The following LRP1 variants were observed in gnomAD, a reference collection of about 807,000 sequenced individuals.
LRP1 encodes prolow-density lipoprotein receptor-related protein 1.
LRP1 carries 51 observed loss-of-function variants against 541.5 expected under a neutral mutation model. The observed-to-expected ratio is 0.09, with a 90% CI of 0.08 to 0.12. The LOEUF is 0.12. Among genes scored for constraint, LRP1 ranks in the 10% least tolerant of loss-of-function variants. The probability of loss-of-function intolerance (pLI) is 1.00; values close to 1 mark genes in which losing one functional copy is unlikely to be tolerated. For missense variants in LRP1, 3,878 were observed against 6,376.2 expected (o/e 0.61, Z 13.34); for synonymous variants, 2,219 against 2,470.8 (o/e 0.90, Z 3.02).
Position 57,193,767 on chromosome 12 carries a change from C to T in LRP1, c.7804+82C>T. 4 of 1,609,780 alleles carry T rather than the reference C, an allele frequency of 2.5e-6. No individual in the cohort carries two copies. The East Asian group carries it at 8.9e-5, about 36-fold the overall frequency. On this transcript the variant is annotated intron_variant, in intron 47 of 88. Transcript: ENST00000243077. ...CCTGGCCAAGCTTTGTCCCTGGGCCCCGTGGTGTCTGGTTCAAGGCACTCT... is the reference window on the plus strand; with the variant it reads ...CCTGGCCAAGCTTTGTCCCTGGGCCTCGTGGTGTCTGGTTCAAGGCACTCT...
At chr12:57,186,168 C>T (rs1468208361) in intron 41 of LRP1, among the ~76,000 whole-genome samples, 5 of 152,198 alleles carry the variant, frequency 3.3e-5, no homozygotes, top group Non-Finnish European at 7.3e-5. Context: ...GCCCAACGCT[C>T]ACAAACCCAG....
chr12:57,155,055 C>T (rs573250408), intron 8 of LRP1: 99 of 527,826 alleles, frequency 1.9e-4, no homozygotes, highest in African/African-American at 1.4e-3. Context: ...TTTACAAAGC[C>T]GGGTGATAGC....
rs1348671523 is a variant in LRP1, at chr12:57,162,539, G to T, written c.2404+21G>T. 2 of 1,612,466 alleles carry T rather than the reference G, an allele frequency of 1.2e-6. No individual in the cohort carries two copies. Among genetic ancestry groups the T allele is most frequent in the South Asian group, 2.2e-5 (2 of 91,032 alleles). ...GCAAGGTACCTCCTTGGGGCTGGGG[G>T]CAGCGTGGGACCTGGAAGGGGTGGT... On this transcript the variant is annotated intron_variant, in intron 14 of 88. Coordinates refer to ENST00000243077, the MANE Select transcript of LRP1 (RefSeq NM_002332.3). The surrounding 1 kb of genome is among the most constrained non-coding windows in gnomAD (Gnocchi z 5.2).
In LRP1 at chr12:57,191,353, G is replaced by A; in HGVS notation, c.7270G>A (p.Gly2424Arg). The change falls in exon 44 of 89, where the codon GGG (glycine) becomes AGG (arginine). Residue 2424 changes from glycine to arginine, a missense_variant. Around this residue, in one of 13 missense-constraint regions of LRP1, gnomAD observed 1,100 missense variants for 1,827.4 expected, o/e 0.60. Coordinates refer to ENST00000243077, the MANE Select transcript of LRP1 (RefSeq NM_002332.3). ...ILKSEPVHPF[G>R]LAVYGEHIFW... ...AAAGTCAGAGCCTGTCCACCCCTTCGGGCTGGCCGTGTATGGGGAGCACAT... is the reference window on the plus strand; with the variant it reads ...AAAGTCAGAGCCTGTCCACCCCTTCAGGCTGGCCGTGTATGGGGAGCACAT... 1 of 1,611,154 alleles carries A rather than the reference G, an allele frequency of 6.2e-7. No homozygotes were observed. Among genetic ancestry groups the A allele is most frequent in the Non-Finnish European group, 8.5e-7 (1 of 1,177,688 alleles).
chr12:57,197,646 T>G lies in LRP1; in HGVS notation c.9264T>G (p.Leu3088=). 1 of 1,613,842 alleles carries G rather than the reference T, an allele frequency of 6.2e-7. No individual in the cohort carries two copies. The highest frequency in any genetic ancestry group is 8.5e-7 in the Non-Finnish European group (1 of 1,179,954). ...GCAGCATGATCCGAAGGATGCACCT[T>G]AACGGGAGCAATGTGCAGGTGAGGC... is the stretch of plus-strand genomic sequence containing the variant. ...TQGSMIRRMH[L]NGSNVQVLHR... The change falls in exon 58 of 89, where the codon CTT becomes CTG. Residue 3088 remains leucine, a synonymous_variant. Transcript: ENST00000243077. The surrounding 1 kb of genome is among the most constrained non-coding windows in gnomAD (Gnocchi z 4.5).
intron 22 of LRP1, among the ~76,000 whole-genome samples, chr12:57,174,605 T>C (rs2036007308): frequency 6.6e-6 from 1 of 152,174 alleles, no homozygotes; most frequent in African/African-American, 2.4e-5. Context: ...TGAAACCCTG[T>C]CTCTGCTAAA....
At position 57,173,165 on chromosome 12, in the gene LRP1, C is replaced by A; in HGVS notation, c.3164-3C>A. ...CCTGAGGCCCTCCACTGTCCCTCTG[C>A]AGCCACGAGGCCCCCTGGTGGCTGC... On this transcript the variant is annotated splice_region_variant and splice_polypyrimidine_tract_variant and intron_variant, in intron 20 of 88. Transcript: ENST00000243077. The surrounding 1 kb of genome is among the most constrained non-coding windows in gnomAD (Gnocchi z 4.7). 6.2e-7 allele frequency: 1 copy of A among 1,602,050 alleles called. No individual in the cohort carries two copies. Among genetic ancestry groups the A allele is most frequent in the Non-Finnish European group, 8.5e-7 (1 of 1,172,972 alleles).
intron 3 of LRP1, 115 bp from the exon 4 acceptor site, chr12:57,143,564 C>G: frequency 1.5e-6 from 2 of 1,307,686 alleles, no homozygotes; most frequent in Non-Finnish European, 1.1e-6. Flanking sequence ...GTCTCTGACA[C>G]TGCAGCCCTT....
rs748279049 is a variant in LRP1, at chr12:57,158,674, A to G, written c.1798+36A>G. 6 of 1,590,650 alleles carry G rather than the reference A, an allele frequency of 3.8e-6. No individual in the cohort carries two copies. The African/African-American group carries it at 5.4e-5, about 14-fold the overall frequency. On this transcript the variant is annotated intron_variant, in intron 11 of 88. Coordinates refer to ENST00000243077, the MANE Select transcript of LRP1 (RefSeq NM_002332.3). The surrounding 1 kb of genome is among the most constrained non-coding windows in gnomAD (Gnocchi z 5.3). ...CTAGGGATGTGGCCCATGGGGATGG[A>G]AGGGGGCTGGGGCCCAGGCATCTGT... is the stretch of plus-strand genomic sequence containing the variant.
Position 57,156,420 on chromosome 12 carries a change from G to T in LRP1, c.1417+137G>T, listed in dbSNP as rs1356709045. ...ATGTCATGACCGATTCTCCTAGCCA[G>T]CCACTCGGGCTACCTGCCCTGGCCC... On this transcript the variant is annotated intron_variant, in intron 9 of 88. Coordinates refer to ENST00000243077, the MANE Select transcript of LRP1 (RefSeq NM_002332.3). This position sits in a 1 kb window ranked among gnomAD's most constrained non-coding sequence, Gnocchi z 5.2. 2 of 930,484 alleles carry T rather than the reference G, an allele frequency of 2.1e-6. No individual in the cohort carries two copies. The highest frequency in any genetic ancestry group is 3.1e-6 in the Non-Finnish European group (2 of 638,448). The allele number at this position is 930,484 out of a possible 1,614,324, so 57.6% of individuals were successfully genotyped here.
At position 57,205,278 on chromosome 12, in the gene LRP1, G is replaced by A; in HGVS notation, c.11335+29G>A. On this transcript the variant is annotated intron_variant, in intron 73 of 88. Transcript: ENST00000243077. The surrounding 1 kb of genome is among the most constrained non-coding windows in gnomAD (Gnocchi z 4.6). Reference sequence around the variant, plus strand: ...AGGCCCGGCAGCGGACCGGACGCTGGTGGGGAGTGGGGAGAGCCAAGCCCT... The same window carrying A: ...AGGCCCGGCAGCGGACCGGACGCTGATGGGGAGTGGGGAGAGCCAAGCCCT... The A allele has an allele frequency of 6.3e-7, 1 of 1,599,034 alleles. No homozygotes were observed. The highest frequency in any genetic ancestry group is 8.5e-7 in the Non-Finnish European group (1 of 1,170,300).
rs914633878 is a variant in LRP1 at position 57,162,645 on chromosome 12, T to G, written c.2404+127T>G. ...CCTAGGCTCTGACTTTTGAGGATCCTGAGAAGAGAACTCCCCCAACACAAT... is the reference window on the plus strand; with the variant it reads ...CCTAGGCTCTGACTTTTGAGGATCCGGAGAAGAGAACTCCCCCAACACAAT... On this transcript the variant is annotated intron_variant, in intron 14 of 88. Coordinates refer to ENST00000243077, the MANE Select transcript of LRP1 (RefSeq NM_002332.3). This position sits in a 1 kb window ranked among gnomAD's most constrained non-coding sequence, Gnocchi z 5.2. The G allele has an allele frequency of 1.7e-6, 2 of 1,188,940 alleles. No individual in the cohort carries two copies. The highest frequency in any genetic ancestry group is 2.4e-6 in the Non-Finnish European group (2 of 841,140). 73.6% of individuals were successfully genotyped at this position (1,188,940 alleles called of 1,614,324 possible). A position where few individuals can be genotyped will look rare whatever the true frequency, so the allele number is the denominator to read the frequency against.
At chr12:57,191,636 C>T in intron 44 of LRP1, 124 bp downstream of exon 44, 1 of 795,662 alleles carries the variant, frequency 1.3e-6, no homozygotes, top group Admixed American at 2.9e-5. Context: ...ACACACATCC[C>T]ACACATACTA....
chr12:57,180,620 T>A, intron 32 of LRP1, 47 bp from the exon 33 acceptor site: 1 of 1,612,012 alleles, frequency 6.2e-7, no homozygotes, highest in Non-Finnish European at 8.5e-7. Flanking sequence ...TCAGGAGAGC[T>A]GGGTGTGGGG....
chr12:57,154,695 C>A lies in LRP1; in HGVS notation c.1221C>A (p.Gly407=). The A allele has an allele frequency of 6.4e-7, 1 of 1,558,158 alleles. No homozygotes were observed. The highest frequency in any genetic ancestry group is 8.7e-7 in the Non-Finnish European group (1 of 1,150,530). ...EGKGRQTIIQ[G]ILIEHLYGLT... is the part of the protein sequence containing the mutation. Reference sequence around the variant, plus strand: ...AGGGCCGCCAGACCATCATCCAGGGCATCCTGGTGAGGGAGCTACTGTCTG... The same window carrying A: ...AGGGCCGCCAGACCATCATCCAGGGAATCCTGGTGAGGGAGCTACTGTCTG... The change falls in exon 8 of 89, where the codon GGC becomes GGA. Residue 407 remains glycine, a synonymous_variant. Transcript: ENST00000243077. This position sits in a 1 kb window ranked among gnomAD's most constrained non-coding sequence, Gnocchi z 4.6.
At chr12:57,170,937 TAGG>T (rs1163371589) in intron 20 of LRP1, among the ~76,000 whole-genome samples, 1 of 152,152 alleles carries the variant, frequency 6.6e-6, no homozygotes, top group Non-Finnish European at 1.5e-5. Flanking sequence ...CCCACCCTAG[TAGG>T]AGAAGACTGG....
chr12:57,202,368 C>G, intron 67 of LRP1, 53 bp from the exon 68 acceptor site: 2 of 1,383,418 alleles, frequency 1.4e-6, no homozygotes, highest in Admixed American at 1.7e-5. Flanking sequence ...TGCTTGGACC[C>G]TAATGTCTGC....
rs765594884 is a variant in LRP1, at chr12:57,197,300, C to T, written c.9078C>T (p.Asp3026=). 52 of 1,613,958 alleles carry T rather than the reference C, an allele frequency of 3.2e-5. No homozygotes were observed. Among genetic ancestry groups the T allele is most frequent in the Admixed American group, 1.7e-4 (10 of 60,000 alleles). Residue 3026 remains aspartate (D), a splice_region_variant and synonymous_variant, in exon 57 of 89, where the codon GAC becomes GAT. Transcript: ENST00000243077. This position sits in a 1 kb window ranked among gnomAD's most constrained non-coding sequence, Gnocchi z 4.5. The stretch of plus-strand genomic sequence containing the variant: ...TGAGGCAAGATCCTCTGTCTGCAGA[C>T]GAGGAACCGTTTCTGATCTTCGCCA... The part of the protein sequence containing the change: ...GDPHSCKAVT[D]EEPFLIFANR...
rs913357689 is a variant in LRP1, at chr12:57,197,036, G to A, written c.8947G>A (p.Val2983Met). 1 of 1,613,980 alleles carries A rather than the reference G, an allele frequency of 6.2e-7. No individual in the cohort carries two copies. Among genetic ancestry groups the A allele is most frequent in the Non-Finnish European group, 8.5e-7 (1 of 1,180,000 alleles). ...LKDDGRTCADVDECSTTFPCS... is the reference protein window; with the variant it reads ...LKDDGRTCADMDECSTTFPCS... Reference sequence around the variant, plus strand: ...GGACGACGGCCGGACGTGTGCTGATGTGGACGAGTGCAGCACCACCTTCCC... The same window carrying A: ...GGACGACGGCCGGACGTGTGCTGATATGGACGAGTGCAGCACCACCTTCCC... Residue 2983 changes from valine to methionine, a missense_variant, in exon 56 of 89, where the codon GTG (valine) becomes ATG (methionine). This residue lies in a region of LRP1 where 1,100 missense variants were observed against 1,827.4 expected (regional missense o/e 0.60). Transcript: ENST00000243077. This position sits in a 1 kb window ranked among gnomAD's most constrained non-coding sequence, Gnocchi z 4.5.
Sources: gnomAD v4.1 joint callset for allele counts (sites outside exome capture counted in the v4.1 genomes callset) on GRCh38, gnomAD v4.1.1 for gene constraint, gnomAD v4.1.1 regional missense constraint, Gnocchi (gnomAD v3.1) non-coding constraint, MANE v1.5 for transcripts, NCBI Gene and HGNC (gene_info 2026-07-23, HGNC 2026-07-21) for gene names.